DNAAF4: variants seen among roughly 807,000 people sequenced by gnomAD.
The protein encoded by DNAAF4 is dynein axonemal assembly factor 4.
DNAAF4 carries 43 observed loss-of-function variants against 51.8 expected under a neutral mutation model. The ratio of observed to expected loss-of-function variants is 0.83; its 90% confidence interval spans 0.65 to 1.07. DNAAF4 has a LOEUF of 1.07. DNAAF4 is among the 50% of genes least tolerant of loss of function. The pLI is 0.00. For missense variants in DNAAF4, 581 were observed against 493.0 expected (o/e 1.18, Z -1.69); for synonymous variants, 194 against 165.6 (o/e 1.17, Z -1.32).
Position 55,497,787 on chromosome 15 carries a change from TCTTTG to T in DNAAF4, c.191_195del (p.Ala64AspfsTer4), listed in dbSNP as rs1202764933. ...GTGAAGACAATGGTGTCATTCCCAA[TCTTTG>T]CTTTGCTGCTCTCATCGTCTATGGG... On this transcript the variant is annotated frameshift_variant, in exon 3 of 10. Transcript: ENST00000321149. LOFTEE classifies it high-confidence loss of function. 1.3e-6 allele frequency: 2 copies of T among 1,590,364 alleles called. No homozygotes were observed. The highest frequency in any genetic ancestry group is 1.7e-6 in the Non-Finnish European group (2 of 1,166,208).
chr15:55,491,395 A>G lies in DNAAF4; in HGVS notation c.272-139T>C, dbSNP rs113859772. The G allele has an allele frequency of 1.1e-4, 96 of 858,104 alleles. 2 individuals carry two copies. The African/African-American group carries it at 1.5e-3, about 14-fold the overall frequency. The allele number at this position is 858,104 out of a possible 1,614,324, so 53.2% of individuals were successfully genotyped here. On this transcript the variant is annotated intron_variant, in intron 3 of 9. Coordinates refer to ENST00000321149, the MANE Select transcript of DNAAF4 (RefSeq NM_130810.4). ...AGGAACATGGAAAATATTTTTCAAT[A>G]TTAAACTGGCCAAGAAGCTAATGTT... is the stretch of plus-strand genomic sequence containing the variant.
In DNAAF4 at chr15:55,467,123, T is replaced by C. The variant is rs764944430; in HGVS notation, c.444A>G (p.Lys148=). 3 of 1,541,200 alleles carry C rather than the reference T, an allele frequency of 1.9e-6. No homozygotes were observed. The highest frequency in any genetic ancestry group is 4.5e-5 in the Admixed American group (2 of 44,466). ...TAGTGGCTTTTATCCGTTCATTTTC[T>C]TTCATATCTTCTATTTTTTTCCTCT... The part of the protein sequence containing the change: ...EEERKKIEDM[K]ENERIKATKA... Residue 148 remains lysine, a synonymous_variant, in exon 5 of 10, where the codon AAA becomes AAG. Coordinates refer to ENST00000321149, the MANE Select transcript of DNAAF4 (RefSeq NM_130810.4).
chr15:55,485,431 T>C (rs990122551), intron 4 of DNAAF4, among the ~76,000 whole-genome samples: 1 of 152,204 alleles, frequency 6.6e-6, no homozygotes, highest in Non-Finnish European at 1.5e-5. Context: ...AAGGATCATT[T>C]TGAGGTCCTA....
chr15:55,480,731 C>T (rs890644232), intron 4 of DNAAF4, among the ~76,000 whole-genome samples: 6 of 152,174 alleles, frequency 3.9e-5, no homozygotes, highest in African/African-American at 7.2e-5. Context: ...CTATTACCAA[C>T]GCTTGTCCAA....
At chr15:55,491,361 A>G (rs750333599) in intron 3 of DNAAF4, 105 bp from the exon 4 acceptor site, 1 of 1,164,314 alleles carries the variant, frequency 8.6e-7, no homozygotes, top group Non-Finnish European at 1.2e-6. Context: ...CTTTGTACCC[A>G]ACTTCACAAG....
At chr15:55,421,964 A>G (rs1315131303) in intron 7 of DNAAF4, among the ~76,000 whole-genome samples, 1 of 150,162 alleles carries the variant, frequency 6.7e-6, no homozygotes, top group African/African-American at 2.4e-5. Context: ...GGACTATACT[A>G]GGCACTAGAA....
chr15:55,424,885 G>C (rs1195749703), intron 7 of DNAAF4, among the ~76,000 whole-genome samples: 1 of 150,520 alleles, frequency 6.6e-6, no homozygotes, highest in Non-Finnish European at 1.5e-5. Flanking sequence ...TTTTGGAGAT[G>C]GAGTTTTGCT....
chr15:55,457,255 G>A (rs866889245), intron 5 of DNAAF4, among the ~76,000 whole-genome samples: 9 of 152,118 alleles, frequency 5.9e-5, no homozygotes, highest in African/African-American at 1.9e-4. Context: ...TGGCTGCCTG[G>A]GAGCTAGGTG....
At chr15:55,483,859 T>A (rs1216418424) in intron 4 of DNAAF4, among the ~76,000 whole-genome samples, 3 of 108,254 alleles carry the variant, frequency 2.8e-5, no homozygotes, top group African/African-American at 9.1e-5. Flanking sequence ...TTTTTTTTTT[T>A]TTTTTTTTTT....
At chr15:55,447,214 A>G in intron 6 of DNAAF4, among the ~76,000 whole-genome samples, 1 of 143,298 alleles carries the variant, frequency 7.0e-6, no homozygotes, top group Non-Finnish European at 1.5e-5. Context: ...CACTTCCCAG[A>G]CGGGGCAGCC....
intron 5 of DNAAF4, among the ~76,000 whole-genome samples, chr15:55,464,958 A>C (rs1159192132): frequency 6.6e-6 from 1 of 152,232 alleles, no homozygotes; most frequent in Non-Finnish European, 1.5e-5. Flanking sequence ...TCCATCTCAA[A>C]ATAAATAAAC....
chr15:55,456,682 C>A (rs986265048), intron 5 of DNAAF4, among the ~76,000 whole-genome samples: 2 of 152,152 alleles, frequency 1.3e-5, no homozygotes, highest in African/African-American at 4.8e-5. Context: ...GCTGAAAAAC[C>A]GTGAGTTCCC....
rs566145428 is a variant in DNAAF4, at chr15:55,447,392, G to A, written c.783+2830C>T. On this transcript the variant is annotated intron_variant, in intron 6 of 9. Coordinates refer to ENST00000321149, the MANE Select transcript of DNAAF4 (RefSeq NM_130810.4). Reference sequence around the variant, plus strand: ...ATGGGGTGGCGGCCAGGCAGAGGCTGTAATCTTAGCACTTTGGGAGGCCAA... The same window carrying A: ...ATGGGGTGGCGGCCAGGCAGAGGCTATAATCTTAGCACTTTGGGAGGCCAA... Among the ~76,000 whole-genome samples, 49 of 152,176 alleles carry A rather than the reference G, an allele frequency of 3.2e-4. 1 individual carries two copies. Among genetic ancestry groups the A allele is most frequent in the African/African-American group, 8.9e-4 (37 of 41,552 alleles).
At chr15:55,452,244 T>TAAAAAAAAAAAAAAA (rs57692277) in intron 5 of DNAAF4, among the ~76,000 whole-genome samples, 1 of 53,600 alleles carries the variant, frequency 1.9e-5, no homozygotes, top group African/African-American at 7.9e-5. Context: ...CATGTCTCAC[T>TAAAAAAAAAAAAAAA]AAAAAAAAAA....
At chr15:55,422,277 C>A (rs1349241396) in intron 7 of DNAAF4, among the ~76,000 whole-genome samples, 1 of 152,036 alleles carries the variant, frequency 6.6e-6, no homozygotes, top group Non-Finnish European at 1.5e-5. Context: ...GATGTCTGAC[C>A]ACACCCTCTA....
rs769564022 is a variant in DNAAF4 at position 55,498,314 on chromosome 15, T to C, written c.16A>G (p.Ser6Gly). 1 of 1,610,748 alleles carries C rather than the reference T, an allele frequency of 6.2e-7. No individual in the cohort carries two copies. The highest frequency in any genetic ancestry group is 1.3e-5 in the African/African-American group (1 of 74,752). Reference protein sequence around the residue: MPLQVSDYSWQQTKTA... With the variant: MPLQVGDYSWQQTKTA... ...TTCGTCTGCTGCCAGCTGTAATCGCTAACCTGAAGAGGCATTCCGGTAGCA... is the reference window on the plus strand; with the variant it reads ...TTCGTCTGCTGCCAGCTGTAATCGCCAACCTGAAGAGGCATTCCGGTAGCA... The change falls in exon 2 of 10, where the codon AGC becomes GGC. Residue 6 changes from serine (S) to glycine (G), a missense_variant. By Grantham distance (56) the Ser-to-Gly change is moderately conservative. Coordinates refer to ENST00000321149, the MANE Select transcript of DNAAF4 (RefSeq NM_130810.4).
intron 4 of DNAAF4, among the ~76,000 whole-genome samples, chr15:55,484,649 A>G (rs1004449295): frequency 6.6e-6 from 1 of 152,148 alleles, no homozygotes; most frequent in Non-Finnish European, 1.5e-5. Context: ...TAGTATAGAT[A>G]GATATATATA....
chr15:55,483,192 G>A (rs1234987953), intron 4 of DNAAF4, among the ~76,000 whole-genome samples: 3 of 152,058 alleles, frequency 2.0e-5, no homozygotes, highest in Non-Finnish European at 4.4e-5. Flanking sequence ...TGCCTCCCAG[G>A]TTCAAGCAAT....
chr15:55,430,422 CA>C lies in DNAAF4; in HGVS notation c.*247del. ...CAAGGGCAAGCTTAATTCAGTAACA[CA>C]AAAAAGTATACATATGTATTAATAT... is the stretch of plus-strand genomic sequence containing the variant. On this transcript the variant is annotated 3_prime_UTR_variant, in exon 10 of 10. Transcript: ENST00000321149. The C allele has an allele frequency of 9.9e-7, 1 of 1,008,342 alleles. No individual in the cohort carries two copies. The highest frequency in any genetic ancestry group is 4.2e-5 in the South Asian group (1 of 23,960). 62.5% of individuals were successfully genotyped at this position (1,008,342 alleles called of 1,614,324 possible).
Sources: allele counts gnomAD v4.1 joint callset (sites outside exome capture counted in the v4.1 genomes callset), GRCh38; gene constraint gnomAD v4.1.1; transcripts MANE v1.5; gene names NCBI Gene and HGNC (gene_info 2026-07-23, HGNC 2026-07-21).